The following PRKD1 variants were observed in gnomAD, a reference collection of about 807,000 sequenced individuals.
The protein encoded by PRKD1 is serine/threonine-protein kinase D1.
PRKD1 carries 63 observed loss-of-function variants against 95.9 expected under a neutral mutation model. The observed-to-expected ratio is 0.66, with a 90% CI of 0.54 to 0.81. The LOEUF is 0.81. Ranked by LOEUF, PRKD1 falls within the 30% of genes least tolerant of loss-of-function variation. The pLI, the probability that PRKD1 is intolerant of heterozygous loss-of-function variation, is 0.00. For synonymous variants in PRKD1, 425 were observed against 423.1 expected (o/e 1.00, Z -0.05); for missense variants, 1,048 against 1,165.3 (o/e 0.90, Z 1.47).
At chr14:29,854,344 A>G (rs2139344976) in intron 1 of PRKD1, among the ~76,000 whole-genome samples, 1 of 152,356 alleles carries the variant, frequency 6.6e-6, no homozygotes, top group East Asian at 1.9e-4. Flanking sequence ...GAGATGAGGT[A>G]CTTGTAGGGA....
rs1472488754 is a variant in PRKD1 at position 29,721,013 on chromosome 14, G to A, written c.403+4523C>T. On this transcript the variant is annotated intron_variant, in intron 2 of 17. Coordinates refer to ENST00000331968, the MANE Select transcript of PRKD1 (RefSeq NM_002742.3). Reference sequence around the variant, plus strand: ...TCTCACATAGCTGTAGCTCTCCTGAGAGTTCTGTTGATTTTTTCATTCCTC... The same window carrying A: ...TCTCACATAGCTGTAGCTCTCCTGAAAGTTCTGTTGATTTTTTCATTCCTC... 2.0e-5 allele frequency among the ~76,000 whole-genome samples: 3 copies of A among 152,134 alleles called. No homozygotes were observed. The East Asian group carries it at 5.8e-4, about 29-fold the overall frequency.
chr14:29,577,571 C>T (rs1216750572), intron 17 of PRKD1, 115 bp from the exon 18 acceptor site: 51 of 998,546 alleles, frequency 5.1e-5, no homozygotes, highest in African/African-American at 2.2e-4. Flanking sequence ...ACTCTAACAG[C>T]GCTGAATCTT....
chr14:29,872,513 ATGGTGGCT>A (rs906821275), intron 1 of PRKD1, among the ~76,000 whole-genome samples: 9 of 151,898 alleles, frequency 5.9e-5, no homozygotes. Flanking sequence ...TTAGCCGGGC[ATGGTGGCT>A]TGCACCTGTA....
chr14:29,771,152 C>T (rs932414017), intron 1 of PRKD1, among the ~76,000 whole-genome samples: 49 of 151,924 alleles, frequency 3.2e-4, no homozygotes, highest in Admixed American at 2.5e-3. Context: ...AATGAAAAAG[C>T]GAGTTCAGGA....
intron 1 of PRKD1, among the ~76,000 whole-genome samples, chr14:29,847,635 T>C (rs2139330658): frequency 6.6e-6 from 1 of 152,286 alleles, no homozygotes; most frequent in South Asian, 2.1e-4. Context: ...AACAAAAGGA[T>C]TCAGTTATGC....
At chr14:29,659,085 T>TA (rs2139199188) in intron 4 of PRKD1, among the ~76,000 whole-genome samples, 1 of 152,308 alleles carries the variant, frequency 6.6e-6, no homozygotes, top group East Asian at 1.9e-4. Flanking sequence ...TGCATGTGCA[T>TA]AAACCCATGT....
At chr14:29,585,185 C>G (rs1892877829) in intron 16 of PRKD1, among the ~76,000 whole-genome samples, 1 of 152,076 alleles carries the variant, frequency 6.6e-6, no homozygotes, top group Non-Finnish European at 1.5e-5. Context: ...CGTTTTGCAA[C>G]CCTTCACATT....
chr14:29,910,520 C>G (rs1198719507), intron 1 of PRKD1, among the ~76,000 whole-genome samples: 2 of 152,118 alleles, frequency 1.3e-5, no homozygotes, highest in African/African-American at 4.8e-5. Context: ...CATTCAATCA[C>G]ATACTTAATA....
intron 13 of PRKD1, among the ~76,000 whole-genome samples, chr14:29,622,963 C>G (rs1879377179): frequency 6.6e-6 from 1 of 152,274 alleles, no homozygotes; most frequent in Admixed American, 6.5e-5. Flanking sequence ...TTCAGAAGAC[C>G]ACAGTGCGTG....
At chr14:29,826,392 A>G (rs1594553224) in intron 1 of PRKD1, among the ~76,000 whole-genome samples, 1 of 84,774 alleles carries the variant, frequency 1.2e-5, no homozygotes, top group African/African-American at 5.0e-5. Flanking sequence ...TGGAATATAT[A>G]TATACATATA....
intron 6 of PRKD1, among the ~76,000 whole-genome samples, chr14:29,637,025 C>T (rs1354266327): frequency 6.6e-6 from 1 of 152,086 alleles, no homozygotes; most frequent in African/African-American, 2.4e-5. Context: ...TTTCCGTTTT[C>T]CCAAGCCTGA....
At chr14:29,621,390 TTC>T (rs1174850683) in intron 13 of PRKD1, among the ~76,000 whole-genome samples, 2 of 151,620 alleles carry the variant, frequency 1.3e-5, no homozygotes, top group Non-Finnish European at 2.9e-5. Context: ...CTCCCTCTCT[TTC>T]TCTCTCTCTC....
At chr14:29,753,181 G>A (rs72660409) in intron 1 of PRKD1, among the ~76,000 whole-genome samples, 6,273 of 152,148 alleles carry the variant, frequency 0.041, 230 homozygotes, top group African/African-American at 0.093. Context: ...CAGACAAAGA[G>A]AAAGAAACAA....
At chr14:29,586,613 AAGT>A (rs1341453931) in intron 16 of PRKD1, among the ~76,000 whole-genome samples, 5 of 151,980 alleles carry the variant, frequency 3.3e-5, no homozygotes, top group Non-Finnish European at 7.4e-5. Context: ...GTAATGAGGG[AAGT>A]AGTCGTTTCA....
In PRKD1 at chr14:29,676,055, C is replaced by CT. The variant is rs768771247; in HGVS notation, c.404-9848_404-9847insA. Reference sequence around the variant, plus strand: ...ATGACGCGTTAATGGGTGCAGCACACCAACATGGCATATGTAACAAACCTG... The same window carrying CT: ...ATGACGCGTTAATGGGTGCAGCACACTCAACATGGCATATGTAACAAACCTG... On this transcript the variant is annotated intron_variant, in intron 2 of 17. Coordinates refer to ENST00000331968, the MANE Select transcript of PRKD1 (RefSeq NM_002742.3). Among the ~76,000 whole-genome samples, 17 of 151,582 alleles carry CT rather than the reference C, an allele frequency of 1.1e-4. No individual in the cohort carries two copies. The East Asian group carries it at 3.3e-3, about 30-fold the overall frequency.
At chr14:29,864,211 T>C (rs375642102) in intron 1 of PRKD1, among the ~76,000 whole-genome samples, 16 of 152,016 alleles carry the variant, frequency 1.1e-4, no homozygotes, top group African/African-American at 3.9e-4. Flanking sequence ...TTCCAACCAA[T>C]ATAACACAGT....
In PRKD1 at chr14:29,734,028, C is replaced by CTT. The variant is rs58908662; in HGVS notation, c.265-8356_265-8355dup. ...CTGGTTTTGAGTCATACTTTCCTGC[C>CTT]TTTTTTTTTTTTTTTTTTTTTTTTT... On this transcript the variant is annotated intron_variant, in intron 1 of 17. Transcript: ENST00000331968. 4.9e-3 allele frequency among the ~76,000 whole-genome samples: 314 copies of CTT among 64,670 alleles called. 44 individuals carry two copies. The highest frequency in any genetic ancestry group is 9.5e-3 in the African/African-American group (121 of 12,728). 42.4% of individuals were successfully genotyped at this position (64,670 alleles called of 152,430 possible). A position where few individuals can be genotyped will look rare whatever the true frequency, so the allele number is the denominator to read the frequency against.
At chr14:29,839,248 T>G (rs376457035) in intron 1 of PRKD1, among the ~76,000 whole-genome samples, 1 of 152,224 alleles carries the variant, frequency 6.6e-6, no homozygotes, top group East Asian at 1.9e-4. Context: ...CCAAAACTTT[T>G]GCACCCAGAT....
At chr14:29,608,323 C>T (rs958320146) in intron 13 of PRKD1, among the ~76,000 whole-genome samples, 1 of 152,114 alleles carries the variant, frequency 6.6e-6, no homozygotes, top group Non-Finnish European at 1.5e-5. Flanking sequence ...ACTTTATCCT[C>T]ATTTAGTGAA....
Sources: allele counts gnomAD v4.1 joint callset (sites outside exome capture counted in the v4.1 genomes callset), GRCh38; gene constraint gnomAD v4.1.1; transcripts MANE v1.5; gene names NCBI Gene and HGNC (gene_info 2026-07-23, HGNC 2026-07-21).